Variants in NAV2 observed in about 807,000 individuals in gnomAD.
NAV2 encodes neuron navigator 2.
Under a neutral mutation model 223.2 loss-of-function variants are expected in NAV2, and 54 were observed. The ratio of observed to expected loss-of-function variants is 0.24; its 90% CI spans 0.19 to 0.30. NAV2 has a LOEUF of 0.30. Among genes scored for constraint, NAV2 ranks in the 10% least tolerant of loss-of-function variants. The pLI is 1.00. For missense variants in NAV2, 2,806 were observed against 3,147.5 expected, an observed-to-expected ratio of 0.89 and a Z score of 2.60; for synonymous variants, 1,279 against 1,239.3, an observed-to-expected ratio of 1.03 and a Z score of -0.67.
chr11:19,959,997 G>A (rs1156577076), intron 10 of NAV2, among the ~76,000 whole-genome samples: 1 of 152,204 alleles, frequency 6.6e-6, no homozygotes, highest in Non-Finnish European at 1.5e-5. Flanking sequence ...TGGCCCAGAT[G>A]TTTAAGGGAA....
chr11:19,596,850 T>G (rs1358763946), intron 1 of NAV2, among the ~76,000 whole-genome samples: 1 of 152,220 alleles, frequency 6.6e-6, no homozygotes, highest in African/African-American at 2.4e-5. Context: ...GCTAAACACT[T>G]CATCTGCAGG....
chr11:19,895,411 T>C (rs2041893597), intron 6 of NAV2, among the ~76,000 whole-genome samples: 1 of 152,142 alleles, frequency 6.6e-6, no homozygotes, highest in East Asian at 1.9e-4. Flanking sequence ...TTTACAAATA[T>C]TCTGTGAGGT....
In NAV2 at chr11:19,859,712, G is replaced by T. The variant is rs1432813423; in HGVS notation, c.439-9213G>T. 2.2e-4 allele frequency among the ~76,000 whole-genome samples: 34 copies of T among 151,860 alleles called. No individual in the cohort carries two copies. In the East Asian group the frequency reaches 6.3e-3, roughly 28 times the overall value. ...GAGGGGCTCCTCACTTCCCAGTAGG[G>T]GTGGCCGGGCAGAGGCGCCCCTCAC... On this transcript the variant is annotated intron_variant, in intron 3 of 37. Transcript: ENST00000349880.
In NAV2 at chr11:19,731,925, G is replaced by A. The variant is rs143335656; in HGVS notation, c.267+17963G>A. On this transcript the variant is annotated intron_variant, in intron 1 of 37. Transcript: ENST00000349880. ...GGATAGGGAAAATACAGAGGGGTTA[G>A]GAATGCTTGGGCCCCATCCCTGCTC... Among the ~76,000 whole-genome samples, 1,116 of 152,284 alleles carry A rather than the reference G, an allele frequency of 7.3e-3. 10 individuals carry two copies. The highest frequency in any genetic ancestry group is 0.031 in the Middle Eastern group (9 of 294).
At chr11:19,363,056 C>T (rs759433811) in intron 1 of NAV2, among the ~76,000 whole-genome samples, 3 of 152,112 alleles carry the variant, frequency 2.0e-5, no homozygotes, top group East Asian at 1.9e-4. Flanking sequence ...TAGGTATACA[C>T]GTGCCATGCT....
rs1459489205 is a variant in NAV2, at chr11:19,880,007, C to A, written c.650C>A (p.Pro217His). 6.2e-7 allele frequency: 1 copy of A among 1,613,836 alleles called. No individual in the cohort carries two copies. The highest frequency in any genetic ancestry group is 1.3e-5 in the African/African-American group (1 of 75,038). Residue 217 changes from proline to histidine, a missense_variant, in exon 5 of 38, where the codon CCC (proline) becomes CAC (histidine). Transcript: ENST00000349880. ...PPAVSQVAGA[P>H]SQCQAGTPQQ... ...GCCGTATCCCAGGTGGCCGGGGCCC[C>A]CTCCCAGTGCCAGGCTGGCACCCCT...
At chr11:19,599,994 T>C (rs559982810) in intron 1 of NAV2, among the ~76,000 whole-genome samples, 1 of 152,262 alleles carries the variant, frequency 6.6e-6, no homozygotes, top group Admixed American at 6.5e-5. Context: ...AGTATTTCAG[T>C]ACAAGTAGTT....
intron 3 of NAV2, among the ~76,000 whole-genome samples, chr11:19,847,397 C>A (rs1014618321): frequency 1.3e-5 from 2 of 152,218 alleles, no homozygotes; most frequent in Non-Finnish European, 2.9e-5. Flanking sequence ...TTTAGCTGAT[C>A]TTGGACCTGG....
Position 19,892,422 on chromosome 11 carries a change from T to G in NAV2, c.771-12T>G. 1 of 1,612,904 alleles carries G rather than the reference T, an allele frequency of 6.2e-7. No homozygotes were observed. Among genetic ancestry groups the G allele is most frequent in the Non-Finnish European group, 8.5e-7 (1 of 1,179,484 alleles). ...AGACTGAATGCATTATCCTGTTGCT[T>G]TTGCATTTTAGACTTCCAGGTCCTA... On this transcript the variant is annotated splice_polypyrimidine_tract_variant and intron_variant, in intron 5 of 37. Coordinates refer to ENST00000349880, the MANE Select transcript of NAV2 (RefSeq NM_145117.5).
intron 14 of NAV2, among the ~76,000 whole-genome samples, chr11:20,046,340 A>T (rs1564921200): frequency 2.0e-5 from 3 of 151,840 alleles, no homozygotes; most frequent in Non-Finnish European, 4.4e-5. Context: ...CATCTCAAAA[A>T]AAAAAAAAAA....
intron 1 of NAV2, among the ~76,000 whole-genome samples, chr11:19,493,810 G>C (rs1040552914): frequency 6.6e-6 from 1 of 152,200 alleles, no homozygotes; most frequent in African/African-American, 2.4e-5. Flanking sequence ...TGAACTTAAT[G>C]AATGCCACCC....
rs776206650 is a variant in NAV2, at chr11:20,103,374, C to T, written c.6537C>T (p.Ile2179=). The T allele has an allele frequency of 3.7e-6, 6 of 1,614,020 alleles. No individual in the cohort carries two copies. Among genetic ancestry groups the T allele is most frequent in the Non-Finnish European group, 5.1e-6 (6 of 1,179,978 alleles). Residue 2179 remains isoleucine (I), a synonymous_variant, in exon 33 of 38, where the codon ATC becomes ATT. Transcript: ENST00000349880. Reference sequence around the variant, plus strand: ...ACCACGTGAGCTCTCTGGGAGAGATCTTCAATGGGCTGCTCAACTGCAAGT... The same window carrying T: ...ACCACGTGAGCTCTCTGGGAGAGATTTTCAATGGGCTGCTCAACTGCAAGT... ...NLHHVSSLGE[I]FNGLLNCKYH... is the part of the protein sequence containing the mutation.
chr11:19,622,355 G>C (rs539481714), intron 1 of NAV2, among the ~76,000 whole-genome samples: 3 of 152,246 alleles, frequency 2.0e-5, no homozygotes, highest in Non-Finnish European at 2.9e-5. Context: ...TGACAGTGGG[G>C]TGTTAAAGTC....
intron 1 of NAV2, among the ~76,000 whole-genome samples, chr11:19,521,586 G>A (rs1565011571): frequency 3.9e-5 from 6 of 152,092 alleles, no homozygotes. Context: ...GCGTTAGTGG[G>A]GATATTTGAG....
intron 1 of NAV2, among the ~76,000 whole-genome samples, chr11:19,459,188 T>A (rs546520900): frequency 4.6e-5 from 7 of 152,356 alleles, no homozygotes; most frequent in Non-Finnish European, 2.9e-5. Flanking sequence ...ATGCATTAGC[T>A]TGTGTCATTG....
At chr11:19,877,694 A>C (rs569332087) in intron 4 of NAV2, among the ~76,000 whole-genome samples, 1 of 151,728 alleles carries the variant, frequency 6.6e-6, no homozygotes, top group South Asian at 2.1e-4. Flanking sequence ...GGATGGTCTC[A>C]ATCTCCTGAC....
intron 1 of NAV2, among the ~76,000 whole-genome samples, chr11:19,787,461 T>C (rs867755996): frequency 2.0e-5 from 3 of 151,956 alleles, no homozygotes; most frequent in Admixed American, 6.6e-5. Flanking sequence ...CTAAAGGCTG[T>C]AGATTAAGCA....
intron 1 of NAV2, among the ~76,000 whole-genome samples, chr11:19,539,266 G>A (rs1338686848): frequency 2.0e-5 from 3 of 152,306 alleles, no homozygotes; most frequent in Middle Eastern, 3.4e-3. Flanking sequence ...TCTATTTCCA[G>A]ATCTCAACTT....
At chr11:19,702,809 TA>T (rs2049546992) in intron 1 of NAV2, among the ~76,000 whole-genome samples, 1 of 146,098 alleles carries the variant, frequency 6.8e-6, no homozygotes, top group Non-Finnish European at 1.5e-5. Context: ...ATAATAGTAA[TA>T]ATAATAATAA....
Sources: gnomAD v4.1 joint callset for allele counts (sites outside exome capture counted in the v4.1 genomes callset) on GRCh38, gnomAD v4.1.1 for gene constraint, MANE v1.5 for transcripts, NCBI Gene and HGNC (gene_info 2026-07-23, HGNC 2026-07-21) for gene names.